CSF1R: variants seen among roughly 807,000 people sequenced by gnomAD.
CSF1R encodes colony stimulating factor 1 receptor.
CSF1R carries 40 observed loss-of-function variants against 110.0 expected under a neutral mutation model. The observed-to-expected ratio is 0.36, with a 90% CI of 0.28 to 0.47. The LOEUF is 0.47. CSF1R is among the 20% of genes least tolerant of loss of function. CSF1R has a pLI of 0.99. For missense variants in CSF1R, 1,052 were observed against 1,253.0 expected (o/e 0.84, Z 2.42); for synonymous variants, 523 against 503.4 (o/e 1.04, Z -0.52).
upstream of CSF1R, among the ~76,000 whole-genome samples, chr5:150,087,493 C>T (rs1758887711): frequency 6.6e-6 from 1 of 152,208 alleles, no homozygotes; most frequent in Non-Finnish European, 1.5e-5. Context: ...AGTCAAACAG[C>T]TACCAAATGG....
intron 10 of CSF1R, among the ~76,000 whole-genome samples, chr5:150,064,955 A>G (rs565884736): frequency 6.6e-6 from 1 of 152,272 alleles, no homozygotes; most frequent in African/African-American, 2.4e-5. Context: ...CCAAAGAACT[A>G]TGAGTGAGAG....
At chr5:150,058,887 A>G (rs917322962) in intron 14 of CSF1R, among the ~76,000 whole-genome samples, 2 of 152,080 alleles carry the variant, frequency 1.3e-5, no homozygotes, top group African/African-American at 4.8e-5. Flanking sequence ...ACTGGAAGTC[A>G]AGAGAGCAGG....
Position 150,054,342 on chromosome 5 carries a change from G to A in CSF1R, c.2743C>T (p.Gln915Ter). 1 of 1,614,136 alleles carries A rather than the reference G, an allele frequency of 6.2e-7. No homozygotes were observed. ...QICSFLQEQA[Q>*]EDRRERDYTN... ...CTCACCCGCTCTCTCCTGTCCTCTT[G>A]GGCCTGCTCCTGAAGGAAGGAGCAG... The change falls in exon 20 of 21, where the codon CAA becomes TAA. Residue 915 changes from glutamine to a stop codon, truncating the protein, a stop_gained. Coordinates refer to ENST00000675795, the MANE Select transcript of CSF1R (RefSeq NM_001288705.3). LOFTEE classifies it high-confidence loss of function.
chr5:150,081,273 C>T (rs1758531169), intron 1 of CSF1R, among the ~76,000 whole-genome samples: 2 of 152,162 alleles, frequency 1.3e-5, no homozygotes, highest in Non-Finnish European at 2.9e-5. Context: ...TGCTCAGCCT[C>T]TCACCCAGGC....
At chr5:150,065,029 G>A (rs578082917) in intron 10 of CSF1R, among the ~76,000 whole-genome samples, 6 of 152,290 alleles carry the variant, frequency 3.9e-5, no homozygotes, top group South Asian at 4.1e-4. Context: ...TGATGGCAGC[G>A]GGTTCTTCCT....
intron 10 of CSF1R, among the ~76,000 whole-genome samples, chr5:150,066,585 G>A (rs181004090): frequency 9.2e-5 from 14 of 152,324 alleles, no homozygotes; most frequent in South Asian, 4.1e-4. Context: ...ACCTAGATCC[G>A]GAGGTATTGA....
chr5:150,057,422 C>G, intron 15 of CSF1R, 38 bp from the exon 16 acceptor site: 1 of 1,611,454 alleles, frequency 6.2e-7, no homozygotes, highest in Non-Finnish European at 8.5e-7. Context: ...CCCTGCCACA[C>G]TCCCCACCCC....
chr5:150,072,758 C>T (rs1758081046), intron 6 of CSF1R, among the ~76,000 whole-genome samples: 1 of 152,160 alleles, frequency 6.6e-6, no homozygotes. Context: ...GATTGCACTT[C>T]ATGGGAAGAG....
rs140616824 is a variant in CSF1R, at chr5:150,053,643, C to G, written c.*426G>C. The G allele has an allele frequency of 3.0e-4, 87 of 290,000 alleles. No individual in the cohort carries two copies. The highest frequency in any genetic ancestry group is 1.7e-3 in the African/African-American group (80 of 46,200). The allele number at this position is 290,000 out of a possible 1,614,324, so 18.0% of individuals were successfully genotyped here. On this transcript the variant is annotated 3_prime_UTR_variant, in exon 21 of 21. Coordinates refer to ENST00000675795, the MANE Select transcript of CSF1R (RefSeq NM_001288705.3). ...GTCTGTGAGCATCTGCTGCTCCTCT[C>G]AGAGAGGGAGATCTCACTCTCTGCC...
Position 150,070,248 on chromosome 5 carries a change from A to G in CSF1R, c.1253T>C (p.Leu418Ser). Residue 418 changes from leucine to serine, a missense_variant, in exon 8 of 21, where the codon TTG becomes TCG. This residue lies in a region of CSF1R where 693 missense variants were observed against 735.4 expected (regional missense o/e 0.94). Coordinates refer to ENST00000675795, the MANE Select transcript of CSF1R (RefSeq NM_001288705.3). ...CTGGGGGTACCCAGAGGCAGCACAC[A>G]AAAGGGTGCCAGAGCCGTTGATGAA... is the stretch of plus-strand genomic sequence containing the variant. ...WTFINGSGTLLCAASGYPQPN... is the reference protein window; with the variant it reads ...WTFINGSGTLSCAASGYPQPN... The G allele has an allele frequency of 6.2e-7, 1 of 1,614,150 alleles. No homozygotes were observed. The highest frequency in any genetic ancestry group is 8.5e-7 in the Non-Finnish European group (1 of 1,180,008).
At position 150,057,306 on chromosome 5, in the gene CSF1R, G is replaced by A; in HGVS notation, c.2300C>T (p.Ala767Val). 6.2e-7 allele frequency: 1 copy of A among 1,613,612 alleles called. No homozygotes were observed. The highest frequency in any genetic ancestry group is 8.5e-7 in the Non-Finnish European group (1 of 1,179,976). ...ACTCACATTCTTGGAAGCGAGGAAG[G>A]CCATGCCCTGGGCTACTTGGCTGGA... ...HFSSQVAQGM[A>V]FLASKNCIHR... Residue 767 changes from alanine to valine, a missense_variant, in exon 16 of 21, where the codon GCC becomes GTC. This residue lies in a region of CSF1R where 124 missense variants were observed against 117.7 expected (regional missense o/e 1.05). Coordinates refer to ENST00000675795, the MANE Select transcript of CSF1R (RefSeq NM_001288705.3).
chr5:150,079,989 G>A (rs967894505), intron 3 of CSF1R, 63 bp downstream of exon 3: 1 of 1,566,362 alleles, frequency 6.4e-7, no homozygotes, highest in African/African-American at 1.3e-5. Context: ...CACCACCCAT[G>A]TGGCCGCCGG....
intron 9 of CSF1R, among the ~76,000 whole-genome samples, chr5:150,068,779 A>G (rs1757899165): frequency 6.6e-6 from 1 of 152,216 alleles, no homozygotes; most frequent in African/African-American, 2.4e-5. Flanking sequence ...TGCCTTTGGA[A>G]TCATACAGCC....
upstream of CSF1R, among the ~76,000 whole-genome samples, chr5:150,090,337 T>A (rs1210617892): frequency 1.3e-5 from 2 of 152,208 alleles, no homozygotes; most frequent in Non-Finnish European, 2.9e-5. Context: ...CATAGTTCTA[T>A]GAGTTTTGAC....
chr5:150,070,299 G>T lies in CSF1R; in HGVS notation c.1202C>A (p.Pro401His). 1 of 1,613,840 alleles carries T rather than the reference G, an allele frequency of 6.2e-7. No homozygotes were observed. Residue 401 changes from proline (P) to histidine (H), a missense_variant, in exon 8 of 21, where the codon CCC becomes CAC. This residue lies in a region of CSF1R where 693 missense variants were observed against 735.4 expected (regional missense o/e 0.94). Transcript: ENST00000675795. ...TGTCCATATGACGCTTACCTCTGGG[G>T]GGTCTGAGGAAGAAAGGAGGAGGCC... ...ALTFELTLRY[P>H]PEVSVIWTFI...
rs750922001 is a variant in CSF1R at position 150,070,252 on chromosome 5, G to T, written c.1249C>A (p.Leu417Ile). The part of the protein sequence containing the change: ...IWTFINGSGT[L>I]LCAASGYPQP... The stretch of plus-strand genomic sequence containing the variant: ...GGGTACCCAGAGGCAGCACACAAAA[G>T]GGTGCCAGAGCCGTTGATGAATGTC... The change falls in exon 8 of 21, where the codon CTT becomes ATT. Residue 417 changes from leucine (L) to isoleucine (I), a missense_variant. Leu to Ile is a conservative substitution (Grantham distance 5). Around this residue, in one of 5 missense-constraint regions of CSF1R, gnomAD observed 693 missense variants for 735.4 expected, o/e 0.94. Transcript: ENST00000675795. The T allele has an allele frequency of 1.9e-6, 3 of 1,614,168 alleles. No homozygotes were observed. The highest frequency in any genetic ancestry group is 1.6e-4 in the Middle Eastern group (1 of 6,062).
intron 10 of CSF1R, among the ~76,000 whole-genome samples, chr5:150,065,792 G>C (rs1757743490): frequency 6.6e-6 from 1 of 152,226 alleles, no homozygotes; most frequent in East Asian, 1.9e-4. Flanking sequence ...TGAATTTCCT[G>C]GACAGGAAGT....
intron 10 of CSF1R, 81 bp from the exon 11 acceptor site, chr5:150,061,930 G>A (rs1581292346): frequency 6.3e-7 from 1 of 1,598,074 alleles, no homozygotes; most frequent in African/African-American, 1.3e-5. Context: ...CAAGAGCAGG[G>A]GTGTGGGCAG....
At chr5:150,083,173 G>A (rs565339546) in intron 1 of CSF1R, among the ~76,000 whole-genome samples, 101 of 152,048 alleles carry the variant, frequency 6.6e-4, no homozygotes, top group African/African-American at 2.2e-3. Context: ...CGGGGTGGGG[G>A]CATGGGCTTA....
Sources: allele counts gnomAD v4.1 joint callset (sites outside exome capture counted in the v4.1 genomes callset), GRCh38; gene constraint gnomAD v4.1.1; regional missense constraint gnomAD v4.1.1; transcripts MANE v1.5; gene names NCBI Gene and HGNC (gene_info 2026-07-23, HGNC 2026-07-21).